The following MAP3K15 variants were observed in gnomAD, a reference collection of about 807,000 sequenced individuals.
MAP3K15 encodes mitogen-activated protein kinase kinase kinase 15.
MAP3K15 carries 124 observed loss-of-function variants against 99.5 expected under a neutral mutation model. That is an observed-to-expected ratio of 1.25 (90% CI 1.08 to 1.45). The LOEUF (loss-of-function observed/expected upper bound fraction) is 1.45. Ranked by LOEUF, MAP3K15 falls within the 40% of genes most tolerant of loss-of-function variation. MAP3K15 has a pLI of 0.00. For missense variants in MAP3K15, 1,242 were observed against 1,079.7 expected, an observed-to-expected ratio of 1.15 and a Z score of -2.11; for synonymous variants, 494 against 439.6, an observed-to-expected ratio of 1.12 and a Z score of -1.55.
chrX:19,486,408 T>C (rs2064326029), intron 3 of MAP3K15, 74 bp downstream of exon 3: 1 of 467,360 alleles, frequency 2.1e-6, no homozygotes, highest in Non-Finnish European at 3.3e-6. Context: ...CTGGGCGATT[T>C]TCAGGCAAGC....
rs758751774 is a variant in MAP3K15, at chrX:19,431,363, G to T, written c.1166+75C>A. 89 of 962,520 alleles carry T rather than the reference G, an allele frequency of 9.2e-5. No individual in the cohort carries two copies. The Admixed American group carries it at 2.2e-3, about 24-fold the overall frequency. The allele number at this position is 962,520 out of a possible 1,213,427, so 79.3% of individuals were successfully genotyped here. On this transcript the variant is annotated intron_variant, in intron 7 of 28. Coordinates refer to ENST00000338883, the MANE Select transcript of MAP3K15 (RefSeq NM_001001671.4). ...CAGACAGACATATACATAAGGAAGA[G>T]ATGCACATCCTTAGCCTATGCGATT...
chrX:19,391,111 T>G (rs1470503568), intron 18 of MAP3K15, among the ~76,000 whole-genome samples: 1 of 111,236 alleles, frequency 9.0e-6, no homozygotes. Context: ...TACTGACACA[T>G]GGACAAGAAA....
At chrX:19,436,662 C>T (rs151333152) in intron 6 of MAP3K15, among the ~76,000 whole-genome samples, 85 of 111,343 alleles carry the variant, frequency 7.6e-4, no homozygotes, top group African/African-American at 2.5e-3. Context: ...TCAAACTTAA[C>T]GTGTCCCAAA....
Position 19,360,601 on chromosome X carries a change from C to T in MAP3K15, c.*148G>A. On this transcript the variant is annotated 3_prime_UTR_variant, in exon 29 of 29. Coordinates refer to ENST00000338883, the MANE Select transcript of MAP3K15 (RefSeq NM_001001671.4). Reference sequence around the variant, plus strand: ...AACAGGTTTCAAAAGAAACTCAGGACAGTATTTAAAACAAGTTCTTAAACT... The same window carrying T: ...AACAGGTTTCAAAAGAAACTCAGGATAGTATTTAAAACAAGTTCTTAAACT... 1 of 455,003 alleles carries T rather than the reference C, an allele frequency of 2.2e-6. No homozygotes were observed. Among genetic ancestry groups the T allele is most frequent in the South Asian group, 3.3e-5 (1 of 30,248 alleles). The allele number at this position is 455,003 out of a possible 1,213,427, so 37.5% of individuals were successfully genotyped here.
At chrX:19,372,249 C>G (rs925504479) in intron 22 of MAP3K15, among the ~76,000 whole-genome samples, 4 of 111,735 alleles carry the variant, frequency 3.6e-5, no homozygotes, top group African/African-American at 1.3e-4. Flanking sequence ...CATAACCACC[C>G]TCCCCAAGGT....
chrX:19,427,592 T>G (rs2063842483), intron 7 of MAP3K15, among the ~76,000 whole-genome samples: 1 of 111,539 alleles, frequency 9.0e-6, no homozygotes, highest in Non-Finnish European at 1.9e-5. Flanking sequence ...CAGTGACATT[T>G]TCACTCTCAT....
intron 1 of MAP3K15, among the ~76,000 whole-genome samples, chrX:19,495,683 C>T (rs746693521): frequency 9.0e-6 from 1 of 111,610 alleles, no homozygotes; most frequent in Non-Finnish European, 1.9e-5. Context: ...TAATTTGAGA[C>T]CACTCAAAGT....
chrX:19,488,744 C>T (rs762283376), intron 2 of MAP3K15, 84 bp downstream of exon 2: 1 of 952,124 alleles, frequency 1.1e-6, no homozygotes, highest in Non-Finnish European at 1.4e-6. Flanking sequence ...TCTCCAACTT[C>T]CTGTGCTACT....
chrX:19,408,767 G>A (rs886833922), intron 12 of MAP3K15: 2 of 112,291 alleles, frequency 1.8e-5, no homozygotes, highest in African/African-American at 6.5e-5. Context: ...TGTAGAGTCA[G>A]GTACACACAC....
At chrX:19,371,258 A>C (rs919064713) in intron 23 of MAP3K15, 87 bp downstream of exon 23, 1 of 976,570 alleles carries the variant, frequency 1.0e-6, no homozygotes, top group Non-Finnish European at 1.4e-6. Flanking sequence ...AGGTGTATAC[A>C]GTTAAGAAGA....
intron 25 of MAP3K15, among the ~76,000 whole-genome samples, chrX:19,365,076 C>G (rs1005764808): frequency 9.3e-6 from 1 of 107,775 alleles, no homozygotes; most frequent in South Asian, 4.1e-4. Context: ...TGGTGGCGTG[C>G]GCCTGTAATC....
At chrX:19,488,315 C>A (rs989343379) in intron 2 of MAP3K15, among the ~76,000 whole-genome samples, 1 of 112,084 alleles carries the variant, frequency 8.9e-6, no homozygotes, top group African/African-American at 3.2e-5. Context: ...GGAACACACA[C>A]GTTTTCAGTT....
intron 18 of MAP3K15, among the ~76,000 whole-genome samples, chrX:19,386,196 C>T (rs2063492937): frequency 1.8e-5 from 2 of 111,780 alleles, no homozygotes; most frequent in Non-Finnish European, 3.8e-5. Flanking sequence ...GTGGCTCACA[C>T]CTGAATCTCA....
At chrX:19,454,666 C>A (rs7878100) in intron 6 of MAP3K15, among the ~76,000 whole-genome samples, 17,541 of 111,502 alleles carry the variant, frequency 0.16, 3,385 homozygotes, top group African/African-American at 0.54. Context: ...GGTCAACCTT[C>A]ATGCAGGAAA....
intron 26 of MAP3K15, among the ~76,000 whole-genome samples, chrX:19,362,344 A>G (rs1432161510): frequency 6.9e-5 from 7 of 102,121 alleles, no homozygotes; most frequent in Non-Finnish European, 1.2e-4. Flanking sequence ...TGATCCTCCC[A>G]TGTCAGCCTC....
At chrX:19,453,854 C>T (rs778367942) in intron 6 of MAP3K15, among the ~76,000 whole-genome samples, 2 of 111,555 alleles carry the variant, frequency 1.8e-5, no homozygotes, top group Admixed American at 9.5e-5. Context: ...ATTAAGACAG[C>T]GAAATCAAAC....
intron 3 of MAP3K15, among the ~76,000 whole-genome samples, chrX:19,465,904 C>T (rs769562873): frequency 5.6e-5 from 6 of 106,490 alleles, no homozygotes; most frequent in African/African-American, 1.7e-4. Flanking sequence ...TTCTTCACAG[C>T]CACTAGGAAT....
intron 18 of MAP3K15, among the ~76,000 whole-genome samples, chrX:19,385,491 C>T (rs1161030566): frequency 3.6e-5 from 4 of 111,364 alleles, no homozygotes; most frequent in South Asian, 7.6e-4. Flanking sequence ...GAGGGAACTA[C>T]GCAAGGGTGT....
At chrX:19,455,513 ATTTTT>A (rs755405077) in intron 6 of MAP3K15, among the ~76,000 whole-genome samples, 5 of 65,754 alleles carry the variant, frequency 7.6e-5, no homozygotes, top group Non-Finnish European at 1.0e-4. Flanking sequence ...TGCCTGGCTA[ATTTTT>A]TTTTTTTTTT....
Sources: allele counts gnomAD v4.1 joint callset (sites outside exome capture counted in the v4.1 genomes callset), GRCh38; gene constraint gnomAD v4.1.1; transcripts MANE v1.5; gene names NCBI Gene and HGNC (gene_info 2026-07-23, HGNC 2026-07-21).